RGS3: variants seen among roughly 807,000 people sequenced by gnomAD.
RGS3 encodes regulator of G-protein signalling 3.
A neutral mutation model predicts 132.6 loss-of-function variants in RGS3; 80 were observed. That is an observed-to-expected ratio of 0.60 (90% confidence interval 0.50 to 0.73). The LOEUF is 0.73. Among genes scored for constraint, RGS3 ranks in the 30% least tolerant of loss-of-function variants. The probability of loss-of-function intolerance (pLI) is 0.00; values close to 1 mark genes in which losing one functional copy is unlikely to be tolerated. For synonymous variants in RGS3, 598 were observed against 620.6 expected, an observed-to-expected ratio of 0.96 and a Z score of 0.54; for missense variants, 1,382 against 1,530.8, an observed-to-expected ratio of 0.90 and a Z score of 1.62.
intron 17 of RGS3, among the ~76,000 whole-genome samples, chr9:113,524,247 A>C (rs2119418108): frequency 6.6e-6 from 1 of 151,964 alleles, no homozygotes; most frequent in East Asian, 1.9e-4. Flanking sequence ...CCAGCTTCCC[A>C]TATGCCCATT....
intron 7 of RGS3, among the ~76,000 whole-genome samples, chr9:113,491,331 A>G (rs192894358): frequency 1.5e-4 from 23 of 151,310 alleles, no homozygotes; most frequent in Non-Finnish European, 3.1e-4. Context: ...AGCTCACTGC[A>G]AACTCTGTCT....
Position 113,463,599 on chromosome 9 carries a change from G to GCCCCC in RGS3, c.415+1401_415+1402insCCCCC. The GCCCCC allele has an allele frequency of 1.3e-6, 1 of 775,740 alleles. No individual in the cohort carries two copies. The highest frequency in any genetic ancestry group is 1.7e-6 in the Non-Finnish European group (1 of 583,636). The allele number at this position is 775,740 out of a possible 1,614,324, so 48.1% of individuals were successfully genotyped here. A position where few individuals can be genotyped will look rare whatever the true frequency, so the allele number is the denominator to read the frequency against. ...CGGCGGCGCCGCCTCCCCCACCCCGGCCCAGCTCTGCTCCGGCAGGTGGAA... is the reference window on the plus strand; with the variant it reads ...CGGCGGCGCCGCCTCCCCCACCCCGGCCCCCCCCAGCTCTGCTCCGGCAGGTGGAA... On this transcript the variant is annotated intron_variant, in intron 3 of 24. Transcript: ENST00000350696. This position sits in a 1 kb window ranked among gnomAD's most constrained non-coding sequence, Gnocchi z 4.6.
rs573738144 is a variant in RGS3 at position 113,462,759 on chromosome 9, C to T, written c.415+558C>T. Among the ~76,000 whole-genome samples the T allele has an allele frequency of 2.5e-4, 38 of 152,340 alleles. 1 individual carries two copies. The South Asian group carries it at 7.5e-3, about 30-fold the overall frequency. ...GGTACTCAACACATAACTCTTCTCT[C>T]CACTTTCTGTCTTGCATCTCCCCAT... is the stretch of plus-strand genomic sequence containing the variant. On this transcript the variant is annotated intron_variant, in intron 3 of 24. Transcript: ENST00000350696.
intron 14 of RGS3, among the ~76,000 whole-genome samples, chr9:113,510,274 C>G (rs1831345670): frequency 6.6e-6 from 1 of 152,224 alleles, no homozygotes. Flanking sequence ...AATTCATTCC[C>G]TTTTATGGCT....
rs921322023 is a variant in RGS3 at position 113,485,767 on chromosome 9, C to G, written c.689+74C>G. Reference sequence around the variant, plus strand: ...GTGACAGCCAGGTGGCCAGCATACACCAGGGGTTCGATTAGTGCTTTCTGG... The same window carrying G: ...GTGACAGCCAGGTGGCCAGCATACAGCAGGGGTTCGATTAGTGCTTTCTGG... On this transcript the variant is annotated intron_variant, in intron 7 of 24. Transcript: ENST00000350696. 5 of 1,099,076 alleles carry G rather than the reference C, an allele frequency of 4.5e-6. No individual in the cohort carries two copies. In the African/African-American group the frequency reaches 4.7e-5, roughly 10 times the overall value. The allele number at this position is 1,099,076 out of a possible 1,614,324, so 68.1% of individuals were successfully genotyped here.
chr9:113,467,663 CTCTA>C, intron 3 of RGS3, among the ~76,000 whole-genome samples: 1 of 152,048 alleles, frequency 6.6e-6, no homozygotes, highest in Non-Finnish European at 1.5e-5. Flanking sequence ...AATATTTTCT[CTCTA>C]TCTGTGGGTT....
At chr9:113,503,038 T>A (rs554103247) in intron 10 of RGS3, among the ~76,000 whole-genome samples, 1 of 152,124 alleles carries the variant, frequency 6.6e-6, no homozygotes, top group African/African-American at 2.4e-5. Flanking sequence ...GGGATTACAG[T>A]CTAGGCAGGA....
intron 19 of RGS3, chr9:113,541,946 C>T (rs1006125587): frequency 1.1e-5 from 9 of 837,746 alleles, no homozygotes; most frequent in South Asian, 1.1e-4. Context: ...GAGAAAAAGT[C>T]GGATATGGTC....
chr9:113,544,545 C>G (rs1833031390), intron 19 of RGS3, among the ~76,000 whole-genome samples: 1 of 152,128 alleles, frequency 6.6e-6, no homozygotes, highest in Admixed American at 6.5e-5. Context: ...ACCAAGGCAC[C>G]AAGAGGGTTT....
intron 19 of RGS3, among the ~76,000 whole-genome samples, chr9:113,548,257 C>T (rs1043603469): frequency 6.6e-6 from 1 of 152,200 alleles, no homozygotes; most frequent in Non-Finnish European, 1.5e-5. Flanking sequence ...AAAGGGGTCA[C>T]AGACGGTCTT....
intron 7 of RGS3, among the ~76,000 whole-genome samples, chr9:113,489,351 G>C (rs920864583): frequency 6.6e-6 from 1 of 152,196 alleles, no homozygotes; most frequent in Non-Finnish European, 1.5e-5. Context: ...ATAGGGTGCC[G>C]TGAAAACAAG....
chr9:113,540,485 T>G (rs1832856739), intron 19 of RGS3, among the ~76,000 whole-genome samples: 1 of 152,114 alleles, frequency 6.6e-6, no homozygotes, highest in Non-Finnish European at 1.5e-5. Context: ...AAGCCATGCT[T>G]GCGGGTCCTA....
At chr9:113,547,678 A>G (rs1240615001) in intron 19 of RGS3, among the ~76,000 whole-genome samples, 1 of 152,246 alleles carries the variant, frequency 6.6e-6, no homozygotes, top group Non-Finnish European at 1.5e-5. Context: ...CCAAGCCATC[A>G]GGCTAATTTC....
chr9:113,479,674 A>G, intron 4 of RGS3, 133 bp downstream of exon 2: 1 of 807,334 alleles, frequency 1.2e-6, no homozygotes, highest in South Asian at 1.6e-5. Context: ...GGATGTGTCC[A>G]TTGATAAAAG....
At position 113,494,382 on chromosome 9, in the gene RGS3, TTG is replaced by T. The variant is rs1479919487; in HGVS notation, c.690-1402_690-1401del. On this transcript the variant is annotated intron_variant, in intron 7 of 24. Transcript: ENST00000350696. The stretch of plus-strand genomic sequence containing the variant: ...CACATTACTCATTAAATTTACAGCT[TTG>T]TAAACTTCTTTTTCTCTAACAATAT... 1.6e-4 allele frequency among the ~76,000 whole-genome samples: 24 copies of T among 152,326 alleles called. 1 individual carries two copies. The highest frequency in any genetic ancestry group is 1.4e-3 in the Admixed American group (22 of 15,300).
At chr9:113,575,549 AC>A (rs1158831015) in intron 19 of RGS3, among the ~76,000 whole-genome samples, 1 of 152,108 alleles carries the variant, frequency 6.6e-6, no homozygotes, top group Non-Finnish European at 1.5e-5. Context: ...CCTCTTCTGC[AC>A]AGGCTCCCCA....
intron 19 of RGS3, among the ~76,000 whole-genome samples, chr9:113,546,544 T>C (rs1265267757): frequency 6.6e-6 from 1 of 152,118 alleles, no homozygotes; most frequent in Non-Finnish European, 1.5e-5. Context: ...AGGAAACAGG[T>C]GCAAAAAGAG....
chr9:113,479,169 C>T (rs1830083371), intron 3 of RGS3: 3 of 356,224 alleles, frequency 8.4e-6, no homozygotes, highest in Admixed American at 4.4e-5. Context: ...TTCTCCTACA[C>T]CTTTACCAAC....
intron 3 of RGS3, among the ~76,000 whole-genome samples, chr9:113,465,317 T>C (rs1225176029): frequency 6.6e-6 from 1 of 152,194 alleles, no homozygotes; most frequent in African/African-American, 2.4e-5. Context: ...TGGTTACATG[T>C]GTTTACTGCT....
Sources: allele counts gnomAD v4.1 joint callset (sites outside exome capture counted in the v4.1 genomes callset), GRCh38; gene constraint gnomAD v4.1.1; non-coding constraint Gnocchi (gnomAD v3.1); transcripts MANE v1.5; gene names NCBI Gene and HGNC (gene_info 2026-07-23, HGNC 2026-07-21).